Variants in ATP8A2 observed in about 807,000 individuals in gnomAD.
The protein encoded by ATP8A2 is ATPase phospholipid transporting 8A2, also known as phospholipid-transporting ATPase IB.
Under a neutral mutation model 165.6 loss-of-function variants are expected in ATP8A2, and 100 were observed. The ratio of observed to expected loss-of-function variants is 0.60; its 90% CI spans 0.51 to 0.71. The LOEUF (loss-of-function observed/expected upper bound fraction) is 0.71, where lower values mean the gene tolerates loss of function less well. Among genes scored for constraint, ATP8A2 ranks in the 30% least tolerant of loss-of-function variants. The pLI, the probability that ATP8A2 is intolerant of heterozygous loss-of-function variation, is 0.00. For synonymous variants in ATP8A2, 543 were observed against 548.8 expected, an observed-to-expected ratio of 0.99 and a Z score of 0.15; for missense variants, 1,227 against 1,479.5, an observed-to-expected ratio of 0.83 and a Z score of 2.80.
intron 25 of ATP8A2, among the ~76,000 whole-genome samples, chr13:25,706,253 A>G (rs962910580): frequency 8.5e-5 from 13 of 152,206 alleles, no homozygotes; most frequent in African/African-American, 3.1e-4. Flanking sequence ...GAAAGTATGT[A>G]TATGTATACA....
At chr13:25,873,655 T>G (rs1282171922) in intron 33 of ATP8A2, among the ~76,000 whole-genome samples, 1 of 148,068 alleles carries the variant, frequency 6.8e-6, no homozygotes, top group African/African-American at 2.5e-5. Context: ...TTTTTTTTTT[T>G]TGAGATGGAG....
At chr13:25,866,606 C>T (rs759718344) in intron 33 of ATP8A2, among the ~76,000 whole-genome samples, 1 of 152,086 alleles carries the variant, frequency 6.6e-6, no homozygotes, top group Non-Finnish European at 1.5e-5. Flanking sequence ...CAGGCAATCA[C>T]GTACACACAC....
At chr13:25,556,278 TG>T (rs2038977734) in intron 13 of ATP8A2, among the ~76,000 whole-genome samples, 1 of 152,228 alleles carries the variant, frequency 6.6e-6, no homozygotes, top group African/African-American at 2.4e-5. Context: ...CAGCATCTGT[TG>T]TTTTTTGACT....
chr13:25,590,308 C>T (rs929192167), intron 24 of ATP8A2, among the ~76,000 whole-genome samples: 1 of 152,006 alleles, frequency 6.6e-6, no homozygotes, highest in African/African-American at 2.4e-5. Flanking sequence ...GCCTGTAGTC[C>T]CAGCTGCTTG....
At chr13:25,634,006 G>T (rs928616174) in intron 24 of ATP8A2, among the ~76,000 whole-genome samples, 1 of 151,566 alleles carries the variant, frequency 6.6e-6, no homozygotes, top group Non-Finnish European at 1.5e-5. Flanking sequence ...ACGGAAATCC[G>T]ACTGCTTCAC....
intron 29 of ATP8A2, 130 bp from the exon 30 acceptor site, chr13:25,839,416 G>T: frequency 5.0e-6 from 3 of 595,296 alleles, no homozygotes; most frequent in South Asian, 2.4e-5. Context: ...TCAAATTCAA[G>T]AATAATATGC....
At chr13:25,683,988 T>G (rs1357937920) in intron 24 of ATP8A2, among the ~76,000 whole-genome samples, 1 of 152,260 alleles carries the variant, frequency 6.6e-6, no homozygotes, top group Non-Finnish European at 1.5e-5. Flanking sequence ...TTCTATTTGA[T>G]TTCTATTTTT....
chr13:25,634,727 A>G (rs1182799874), intron 24 of ATP8A2, among the ~76,000 whole-genome samples: 6 of 152,150 alleles, frequency 3.9e-5, no homozygotes, highest in Non-Finnish European at 5.9e-5. Flanking sequence ...AAATGACTGA[A>G]AGACCTGTAC....
chr13:25,968,680 G>A lies in ATP8A2; in HGVS notation c.3377+1G>A. ...TGCTGCGGGATAGCAATGGAAAGAGGTGGGGAACTCCGTCCCAGTCCGCAC... is the reference window on the plus strand; with the variant it reads ...TGCTGCGGGATAGCAATGGAAAGAGATGGGGAACTCCGTCCCAGTCCGCAC... On this transcript the variant is annotated splice_donor_variant, in intron 35 of 36. Coordinates refer to ENST00000381655, the MANE Select transcript of ATP8A2 (RefSeq NM_016529.6). LOFTEE classifies it high-confidence loss of function. 1.2e-6 allele frequency: 2 copies of A among 1,611,716 alleles called. No individual in the cohort carries two copies. Among genetic ancestry groups the A allele is most frequent in the Non-Finnish European group, 8.5e-7 (1 of 1,178,752 alleles).
intron 27 of ATP8A2, among the ~76,000 whole-genome samples, chr13:25,793,552 G>T (rs1393227277): frequency 1.3e-5 from 2 of 152,124 alleles, no homozygotes; most frequent in Admixed American, 6.5e-5. Flanking sequence ...ATACACACAT[G>T]TATGTAGAAG....
chr13:25,521,580 T>C (rs2037673717), intron 2 of ATP8A2, among the ~76,000 whole-genome samples: 1 of 152,210 alleles, frequency 6.6e-6, no homozygotes, highest in South Asian at 2.1e-4. Context: ...CTAGATTTCT[T>C]TTTTGATATG....
intron 33 of ATP8A2, among the ~76,000 whole-genome samples, chr13:25,903,544 G>C (rs553061062): frequency 6.6e-6 from 1 of 152,316 alleles, no homozygotes; most frequent in South Asian, 2.1e-4. Context: ...CTCATTAAGA[G>C]AGTAAGTCTA....
At chr13:25,875,254 AT>A (rs998443746) in intron 33 of ATP8A2, among the ~76,000 whole-genome samples, 1 of 149,370 alleles carries the variant, frequency 6.7e-6, no homozygotes, top group African/African-American at 2.6e-5. Flanking sequence ...TTTTATCACA[AT>A]TTTAAAAATG....
At chr13:26,013,597 C>G (rs183729908) in intron 36 of ATP8A2, among the ~76,000 whole-genome samples, 1 of 151,994 alleles carries the variant, frequency 6.6e-6, no homozygotes, top group African/African-American at 2.4e-5. Context: ...TCACTTGAAC[C>G]TAGGAAGCGG....
At chr13:25,512,329 C>T (rs527608632) in intron 2 of ATP8A2, among the ~76,000 whole-genome samples, 1 of 152,220 alleles carries the variant, frequency 6.6e-6, no homozygotes, top group South Asian at 2.1e-4. Context: ...TTTTCCCCAC[C>T]TTTCCCCCCT....
chr13:26,018,033 G>A (rs1957021167), intron 36 of ATP8A2, among the ~76,000 whole-genome samples: 1 of 152,202 alleles, frequency 6.6e-6, no homozygotes, highest in Non-Finnish European at 1.5e-5. Context: ...GGCTCAGCTT[G>A]TATCACCTTC....
chr13:25,958,059 A>C (rs1289175148), intron 33 of ATP8A2, among the ~76,000 whole-genome samples: 1 of 151,834 alleles, frequency 6.6e-6, no homozygotes, highest in Non-Finnish European at 1.5e-5. Flanking sequence ...GCATGTTCTC[A>C]CTCATGAGTG....
intron 23 of ATP8A2, among the ~76,000 whole-genome samples, chr13:25,588,344 C>G (rs905594333): frequency 6.6e-6 from 1 of 152,124 alleles, no homozygotes; most frequent in Non-Finnish European, 1.5e-5. Context: ...TAATTTTTGT[C>G]TATCTTGAAT....
intron 34 of ATP8A2, among the ~76,000 whole-genome samples, chr13:25,967,867 A>G (rs1955817252): frequency 6.6e-6 from 1 of 152,164 alleles, no homozygotes; most frequent in Admixed American, 6.5e-5. Flanking sequence ...GTAAAAGGGT[A>G]GAGGGAACTC....
Sources: allele counts gnomAD v4.1 joint callset (sites outside exome capture counted in the v4.1 genomes callset), GRCh38; gene constraint gnomAD v4.1.1; transcripts MANE v1.5; gene names NCBI Gene and HGNC (gene_info 2026-07-23, HGNC 2026-07-21).